The following CAMK2G variants were observed in gnomAD, a reference collection of about 807,000 sequenced individuals.
CAMK2G encodes calcium/calmodulin dependent protein kinase II gamma.
In CAMK2G, 23 loss-of-function variants were observed where a neutral mutation model predicts 88.7. The ratio of observed to expected loss-of-function variants is 0.26; its 90% CI spans 0.19 to 0.37. The LOEUF is 0.37. Among genes scored for constraint, CAMK2G ranks in the 10% least tolerant of loss-of-function variants. CAMK2G has a pLI of 1.00. For synonymous variants in CAMK2G, 263 were observed against 294.8 expected, an observed-to-expected ratio of 0.89 and a Z score of 1.11; for missense variants, 476 against 780.8, an observed-to-expected ratio of 0.61 and a Z score of 4.65.
intron 2 of CAMK2G, among the ~76,000 whole-genome samples, chr10:73,861,596 T>G (rs1354969583): frequency 6.6e-6 from 1 of 152,038 alleles, no homozygotes; most frequent in Non-Finnish European, 1.5e-5. Flanking sequence ...CCTCAGGTGA[T>G]CCACCCGCCT....
At chr10:73,836,908 G>A (rs2093302954) in intron 14 of CAMK2G, 1 of 155,916 alleles carries the variant, frequency 6.4e-6, no homozygotes, top group Non-Finnish European at 1.4e-5. Context: ...TCACCCAGTG[G>A]GAACAAGCCG....
At chr10:73,819,689 C>T (rs1388643989) in intron 18 of CAMK2G, 44 bp from the exon 19 acceptor site, 3 of 1,240,272 alleles carry the variant, frequency 2.4e-6, no homozygotes, top group Non-Finnish European at 3.4e-6. Flanking sequence ...GCAGAGCAGC[C>T]AAAACAAACA....
intron 2 of CAMK2G, among the ~76,000 whole-genome samples, chr10:73,866,396 G>A (rs1023470279): frequency 6.6e-6 from 1 of 152,148 alleles, no homozygotes; most frequent in African/African-American, 2.4e-5. Context: ...CAGGGGGCCA[G>A]GGAGGGCTGG....
At chr10:73,824,145 G>A (rs2090119797) in intron 16 of CAMK2G, 61 bp from the exon 17 acceptor site, 2 of 1,328,896 alleles carry the variant, frequency 1.5e-6, no homozygotes, top group Non-Finnish European at 2.2e-6. Context: ...TCTTCCCTGA[G>A]GAGCCCCACC....
chr10:73,815,985 A>C (rs144614496), intron 21 of CAMK2G: 1 of 985,290 alleles, frequency 1.0e-6, no homozygotes, highest in East Asian at 1.1e-4. Flanking sequence ...GCTTCTGGCT[A>C]ATAGAATTAC....
intron 3 of CAMK2G, among the ~76,000 whole-genome samples, chr10:73,856,066 C>T (rs2095010885): frequency 6.6e-6 from 1 of 152,122 alleles, no homozygotes; most frequent in Non-Finnish European, 1.5e-5. Context: ...AGCCACCGCA[C>T]CCCATCAGAT....
Position 73,853,853 on chromosome 10 carries a change from T to C in CAMK2G, c.221-607A>G, listed in dbSNP as rs563021154. 3.3e-5 allele frequency among the ~76,000 whole-genome samples: 5 copies of C among 152,372 alleles called. No individual in the cohort carries two copies. The East Asian group carries it at 9.6e-4, about 29-fold the overall frequency. ...AGGCTCTTGCATACATTACTGATTC[T>C]GCAAGCATTTATCAAGCACCTACTA... On this transcript the variant is annotated intron_variant, in intron 3 of 22. Coordinates refer to ENST00000423381, the MANE Select transcript of CAMK2G (RefSeq NM_001367534.1).
chr10:73,872,306 C>CTCGGAGGCAGTGCAGT (rs11269102), intron 2 of CAMK2G, among the ~76,000 whole-genome samples: 98,352 of 151,794 alleles, frequency 0.65, 33,186 homozygotes, highest in Middle Eastern at 0.84. Flanking sequence ...GCTCCTCAGA[C>CTCGGAGGCAGTGCAGT]TCGGAGGCAG....
chr10:73,825,285 C>T lies in CAMK2G; in HGVS notation c.1149G>A (p.Thr383=), dbSNP rs1015075537. 5.6e-6 allele frequency: 9 copies of T among 1,611,966 alleles called. No homozygotes were observed. The highest frequency in any genetic ancestry group is 3.3e-5 in the Admixed American group (2 of 59,976). The change falls in exon 16 of 23, where the codon ACG becomes ACA. Residue 383 remains threonine, a synonymous_variant. Coordinates refer to ENST00000423381, the MANE Select transcript of CAMK2G (RefSeq NM_001367534.1). ...SPAQEPAPLQ[T]AMEPQTTVVH... ...AGCTGTAGTCAGGAGGTACCATGGCCGTCTGCAAGGGCGCGGGCTCTTGGG... is the reference window on the plus strand; with the variant it reads ...AGCTGTAGTCAGGAGGTACCATGGCTGTCTGCAAGGGCGCGGGCTCTTGGG...
chr10:73,865,794 T>C (rs1054853963), intron 2 of CAMK2G, among the ~76,000 whole-genome samples: 3 of 152,078 alleles, frequency 2.0e-5, no homozygotes, highest in African/African-American at 7.2e-5. Flanking sequence ...CAGTAACCAC[T>C]AGGGAGAGGC....
intron 14 of CAMK2G, among the ~76,000 whole-genome samples, chr10:73,831,171 A>T (rs1472319440): frequency 6.6e-6 from 1 of 152,212 alleles, no homozygotes; most frequent in African/African-American, 2.4e-5. Flanking sequence ...TGCAGCCACA[A>T]TACAAGCAAT....
At chr10:73,823,104 C>T (rs550262176) in intron 17 of CAMK2G, among the ~76,000 whole-genome samples, 15 of 152,330 alleles carry the variant, frequency 9.8e-5, no homozygotes, top group African/African-American at 2.9e-4. Context: ...TCAAGTGATC[C>T]GCCCGCCTTG....
intron 14 of CAMK2G, among the ~76,000 whole-genome samples, chr10:73,835,164 C>T (rs561936472): frequency 6.6e-6 from 1 of 152,210 alleles, no homozygotes; most frequent in Admixed American, 6.5e-5. Context: ...CCCCCAGCAC[C>T]TGCCAGGTGC....
chr10:73,844,096 T>A (rs35207902), intron 10 of CAMK2G, among the ~76,000 whole-genome samples: 8,268 of 145,368 alleles, frequency 0.057, 324 homozygotes, highest in Non-Finnish European at 0.07. Context: ...AACAAAAAAA[T>A]TTTTTTTTTT....
chr10:73,848,527 G>A lies in CAMK2G; in HGVS notation c.600C>T (p.Cys200=), dbSNP rs141322409. The A allele has an allele frequency of 4.5e-5, 73 of 1,606,758 alleles. No homozygotes were observed. Among genetic ancestry groups the A allele is most frequent in the Non-Finnish European group, 5.5e-5 (65 of 1,174,104 alleles). Residue 200 remains cysteine (C), a splice_region_variant and synonymous_variant, in exon 8 of 23, where the codon TGC becomes TGT. Coordinates refer to ENST00000423381, the MANE Select transcript of CAMK2G (RefSeq NM_001367534.1). This position sits in a 1 kb window ranked among gnomAD's most constrained non-coding sequence, Gnocchi z 4.5. ...GCTGAGAGCGTGGAATGGGCTTACCGCAGGCCCAGATATCCACAGGTTTTC... is the reference window on the plus strand; with the variant it reads ...GCTGAGAGCGTGGAATGGGCTTACCACAGGCCCAGATATCCACAGGTTTTC... ...PYGKPVDIWA[C]GVILYILLVG... is the part of the protein sequence containing the mutation.
chr10:73,856,506 C>T (rs1453768750), intron 3 of CAMK2G, among the ~76,000 whole-genome samples: 1 of 152,200 alleles, frequency 6.6e-6, no homozygotes, highest in Non-Finnish European at 1.5e-5. Context: ...CCGGCCCTGC[C>T]ACCTGGAGCT....
intron 1 of CAMK2G, 39 bp from the exon 2 acceptor site, chr10:73,873,122 G>T: frequency 7.2e-7 from 1 of 1,388,500 alleles, no homozygotes. Context: ...ACACGGAGCA[G>T]GGCAGAGTGA....
At chr10:73,874,040 G>C (rs1227979335) in intron 1 of CAMK2G, among the ~76,000 whole-genome samples, 1 of 150,266 alleles carries the variant, frequency 6.7e-6, no homozygotes, top group Non-Finnish European at 1.5e-5. Flanking sequence ...GAGGCGCGTG[G>C]GACCTGGGTT....
chr10:73,829,443 C>T (rs912242125), intron 14 of CAMK2G, among the ~76,000 whole-genome samples: 2 of 151,692 alleles, frequency 1.3e-5, no homozygotes, highest in Non-Finnish European at 2.9e-5. Context: ...TACAGGCGCC[C>T]GCCACCACGC....
Sources: allele counts gnomAD v4.1 joint callset (sites outside exome capture counted in the v4.1 genomes callset), GRCh38; gene constraint gnomAD v4.1.1; non-coding constraint Gnocchi (gnomAD v3.1); transcripts MANE v1.5; gene names NCBI Gene and HGNC (gene_info 2026-07-23, HGNC 2026-07-21).